Variants in SLC25A16 observed in about 807,000 individuals in gnomAD.
SLC25A16 encodes mitochondrial coenzyme A transporter SLC25A16.
SLC25A16 carries 39 observed loss-of-function variants against 41.5 expected under a neutral mutation model. The observed-to-expected ratio is 0.94, with a 90% CI of 0.73 to 1.23. The LOEUF (loss-of-function observed/expected upper bound fraction) is 1.23, where lower values mean the gene tolerates loss of function less well. Ranked by LOEUF, SLC25A16 falls within the 50% of genes most tolerant of loss-of-function variation. SLC25A16 has a pLI of 0.00. For synonymous variants in SLC25A16, 146 were observed against 147.8 expected (o/e 0.99, Z 0.09); for missense variants, 421 against 426.9 (o/e 0.99, Z 0.12).
At chr10:68,496,680 C>T (rs2052754320) in intron 4 of SLC25A16, 3 of 968,016 alleles carry the variant, frequency 3.1e-6, no homozygotes, top group East Asian at 2.3e-4. Flanking sequence ...ACTGTCTCTA[C>T]AGTCTAGAAT....
At chr10:68,505,206 G>A (rs964996072) in intron 3 of SLC25A16, among the ~76,000 whole-genome samples, 5 of 152,056 alleles carry the variant, frequency 3.3e-5, no homozygotes, top group African/African-American at 9.7e-5. Context: ...CAAATTAGCC[G>A]GGGGTGGTGG....
At chr10:68,511,028 G>A (rs1477695846) in intron 2 of SLC25A16, among the ~76,000 whole-genome samples, 2 of 152,178 alleles carry the variant, frequency 1.3e-5, no homozygotes, top group African/African-American at 2.4e-5. Flanking sequence ...CACGAGGTCA[G>A]GAGGTCGAGA....
intron 1 of SLC25A16, chr10:68,517,177 C>T: frequency 2.0e-6 from 2 of 1,011,758 alleles, no homozygotes; most frequent in Non-Finnish European, 2.4e-6. Flanking sequence ...GAAGTAACCT[C>T]CTCTTCTTCT....
intron 1 of SLC25A16, among the ~76,000 whole-genome samples, chr10:68,518,532 T>G (rs574314760): frequency 2.6e-5 from 4 of 152,058 alleles, no homozygotes; most frequent in African/African-American, 9.6e-5. Flanking sequence ...TCGCAGCACT[T>G]TGGGAGGCCG....
intron 2 of SLC25A16, among the ~76,000 whole-genome samples, chr10:68,510,455 T>C (rs2053042229): frequency 2.6e-5 from 4 of 151,806 alleles, no homozygotes; most frequent in Admixed American, 1.3e-4. Context: ...GGCAGGAGAA[T>C]TGCTTTAACC....
chr10:68,480,338 G>A lies in SLC25A16; in HGVS notation c.*3094C>T, dbSNP rs1343529723. The A allele has an allele frequency of 2.0e-5, 3 of 152,030 alleles. No individual in the cohort carries two copies. Among genetic ancestry groups the A allele is most frequent in the African/African-American group, 7.2e-5 (3 of 41,386 alleles). 9.4% of individuals were successfully genotyped at this position (152,030 alleles called of 1,614,324 possible). On this transcript the variant is annotated 3_prime_UTR_variant, in exon 9 of 9. Coordinates refer to ENST00000609923, the MANE Select transcript of SLC25A16 (RefSeq NM_152707.4). ...ATTCTGACTTATGTTTAGCATTTGTGCTTCAATATGTAAACAGTTGAAAGA... is the reference window on the plus strand; with the variant it reads ...ATTCTGACTTATGTTTAGCATTTGTACTTCAATATGTAAACAGTTGAAAGA...
intron 1 of SLC25A16, among the ~76,000 whole-genome samples, chr10:68,520,629 T>C (rs2053234724): frequency 6.6e-6 from 1 of 151,970 alleles, no homozygotes; most frequent in African/African-American, 2.4e-5. Flanking sequence ...CTGACCAACA[T>C]GGAGAAACAC....
chr10:68,516,735 G>GC lies in SLC25A16; in HGVS notation c.223+15dup. On this transcript the variant is annotated intron_variant, in intron 2 of 8. Transcript: ENST00000609923. Reference sequence around the variant, plus strand: ...ATATTTTCATTCATTTTTATCTTTAGCATCTATTAACTCACCTAAATGCTT... The same window carrying GC: ...ATATTTTCATTCATTTTTATCTTTAGCCATCTATTAACTCACCTAAATGCTT... The GC allele has an allele frequency of 6.7e-7, 1 of 1,486,666 alleles. No individual in the cohort carries two copies. The highest frequency in any genetic ancestry group is 9.3e-7 in the Non-Finnish European group (1 of 1,077,592). 92.1% of individuals were successfully genotyped at this position (1,486,666 alleles called of 1,614,324 possible). A position where few individuals can be genotyped will look rare whatever the true frequency, so the allele number is the denominator to read the frequency against.
intron 8 of SLC25A16, among the ~76,000 whole-genome samples, chr10:68,484,343 G>A (rs1564907573): frequency 6.6e-6 from 1 of 151,280 alleles, no homozygotes. Flanking sequence ...TTTCAGAGTT[G>A]TTCCTTTCCT....
At chr10:68,519,422 G>C (rs1247082380) in intron 1 of SLC25A16, among the ~76,000 whole-genome samples, 1 of 151,504 alleles carries the variant, frequency 6.6e-6, no homozygotes, top group Non-Finnish European at 1.5e-5. Flanking sequence ...GGAGGCAGAG[G>C]TCTCAGTGAG....
At chr10:68,485,542 C>T (rs919870254) in intron 8 of SLC25A16, among the ~76,000 whole-genome samples, 1 of 151,786 alleles carries the variant, frequency 6.6e-6, no homozygotes, top group Non-Finnish European at 1.5e-5. Context: ...TGCCACCAGC[C>T]CAGCTAATTT....
Position 68,488,596 on chromosome 10 carries a change from C to T in SLC25A16, c.644G>A (p.Ser215Asn), listed in dbSNP as rs1303693563. The change falls in exon 7 of 9, where the codon AGT (serine) becomes AAT (asparagine). Residue 215 changes from serine (S) to asparagine (N), a missense_variant. Ser to Asn is a conservative substitution (Grantham distance 46). Coordinates refer to ENST00000609923, the MANE Select transcript of SLC25A16 (RefSeq NM_152707.4). ...GGTAGGAGCATGGGAAAGCCCAACA[C>T]TCTTCAAGGTACCAAAAGTAAAAAA... is the stretch of plus-strand genomic sequence containing the variant. ...VSFFTFGTLK[S>N]VGLSHAPTLL... 1.2e-6 allele frequency: 2 copies of T among 1,613,048 alleles called. No individual in the cohort carries two copies. Among genetic ancestry groups the T allele is most frequent in the East Asian group, 2.2e-5 (1 of 44,850 alleles).
At chr10:68,489,151 C>T (rs900493036) in intron 6 of SLC25A16, among the ~76,000 whole-genome samples, 2 of 152,228 alleles carry the variant, frequency 1.3e-5, no homozygotes, top group East Asian at 3.9e-4. Flanking sequence ...TGCCTGTAAT[C>T]CCAGCTACTC....
At position 68,483,542 on chromosome 10, in the gene SLC25A16, G is replaced by A. The variant is rs139107749; in HGVS notation, c.889C>T (p.Arg297Ter). 8.1e-6 allele frequency: 13 copies of A among 1,611,322 alleles called. No homozygotes were observed. Among genetic ancestry groups the A allele is most frequent in the East Asian group, 4.5e-5 (2 of 44,850 alleles). The change falls in exon 9 of 9, where the codon CGA (arginine) becomes TGA (stop). Residue 297 changes from arginine to a stop codon, truncating the protein, a stop_gained. Coordinates refer to ENST00000609923, the MANE Select transcript of SLC25A16 (RefSeq NM_152707.4). LOFTEE classifies it high-confidence loss of function. ...GATAAACCACGATAGAGTCCTTTTCGAATTCCATGGTGTCCATAGACATAC... is the reference window on the plus strand; with the variant it reads ...GATAAACCACGATAGAGTCCTTTTCAAATTCCATGGTGTCCATAGACATAC... The part of the protein sequence containing the change: ...MKYVYGHHGI[R>*]KGLYRGLSLN...
chr10:68,478,911 C>T lies in SLC25A16; in HGVS notation c.*4521G>A, dbSNP rs570358413. 6.6e-6 allele frequency: 1 copy of T among 152,202 alleles called. No homozygotes were observed. Among genetic ancestry groups the T allele is most frequent in the Non-Finnish European group, 1.5e-5 (1 of 68,046 alleles). 9.4% of individuals were successfully genotyped at this position (152,202 alleles called of 1,614,324 possible). ...TAGCTGGGACTACAGGCGCCCACCA[C>T]CATGCCTGGCTAATTTTTATATTTT... On this transcript the variant is annotated 3_prime_UTR_variant, in exon 9 of 9. Coordinates refer to ENST00000609923, the MANE Select transcript of SLC25A16 (RefSeq NM_152707.4).
chr10:68,485,331 C>A (rs2052541041), intron 8 of SLC25A16, among the ~76,000 whole-genome samples: 1 of 152,104 alleles, frequency 6.6e-6, no homozygotes, highest in Non-Finnish European at 1.5e-5. Context: ...ACCTTGTGAT[C>A]CTCCCGCGTC....
chr10:68,493,693 A>T, intron 4 of SLC25A16, 123 bp from the exon 5 acceptor site: 2 of 751,374 alleles, frequency 2.7e-6, no homozygotes, highest in Admixed American at 2.4e-5. Flanking sequence ...CAAAGGTGAT[A>T]TTACTGACAG....
intron 3 of SLC25A16, 57 bp downstream of exon 3, chr10:68,506,528 G>C: frequency 8.1e-7 from 1 of 1,227,294 alleles, no homozygotes; most frequent in Admixed American, 2.7e-5. Flanking sequence ...GCAAATGCCT[G>C]GTCAAGCATG....
At chr10:68,520,155 C>CA (rs1300498942) in intron 1 of SLC25A16, among the ~76,000 whole-genome samples, 4 of 150,558 alleles carry the variant, frequency 2.7e-5, no homozygotes, top group African/African-American at 9.7e-5. Flanking sequence ...GAGAGGGTTT[C>CA]ACCATGTTGG....
Sources: gnomAD v4.1 joint callset for allele counts (sites outside exome capture counted in the v4.1 genomes callset) on GRCh38, gnomAD v4.1.1 for gene constraint, MANE v1.5 for transcripts, NCBI Gene and HGNC (gene_info 2026-07-23, HGNC 2026-07-21) for gene names.